The following FCHSD2 variants were observed in gnomAD, a reference collection of about 807,000 sequenced individuals.
FCHSD2 encodes FCH and double SH3 domains 2.
FCHSD2 carries 38 observed loss-of-function variants against 108.1 expected under a neutral mutation model. The ratio of observed to expected loss-of-function variants is 0.35; its 90% confidence interval spans 0.27 to 0.46. FCHSD2 has a LOEUF of 0.46. Among genes scored for constraint, FCHSD2 ranks in the 20% least tolerant of loss-of-function variants. The pLI, the probability that FCHSD2 is intolerant of heterozygous loss-of-function variation, is 1.00. For missense variants in FCHSD2, 751 were observed against 897.8 expected, an observed-to-expected ratio of 0.84 and a Z score of 2.09; for synonymous variants, 279 against 314.7, an observed-to-expected ratio of 0.89 and a Z score of 1.20.
At chr11:73,037,919 C>A (rs1003331481) in intron 3 of FCHSD2, among the ~76,000 whole-genome samples, 2 of 152,144 alleles carry the variant, frequency 1.3e-5, no homozygotes, top group Non-Finnish European at 2.9e-5. Flanking sequence ...AATCCCTCAC[C>A]AATTTCACAC....
At chr11:72,986,217 T>C (rs936553309) in intron 6 of FCHSD2, among the ~76,000 whole-genome samples, 2 of 152,194 alleles carry the variant, frequency 1.3e-5, no homozygotes, top group Non-Finnish European at 2.9e-5. Flanking sequence ...TTTATTTTAT[T>C]TATTTATTTA....
chr11:72,961,753 C>T (rs1272595032), intron 8 of FCHSD2, among the ~76,000 whole-genome samples: 1 of 152,112 alleles, frequency 6.6e-6, no homozygotes, highest in African/African-American at 2.4e-5. Flanking sequence ...AATCACATGT[C>T]AAGAGAATCA....
At chr11:72,946,922 A>C (rs1428240728) in intron 8 of FCHSD2, among the ~76,000 whole-genome samples, 1 of 152,218 alleles carries the variant, frequency 6.6e-6, no homozygotes, top group Non-Finnish European at 1.5e-5. Context: ...CCTGCCAACA[A>C]GGCAGCACCA....
At chr11:73,039,387 G>A (rs1046377694) in intron 3 of FCHSD2, among the ~76,000 whole-genome samples, 1 of 151,970 alleles carries the variant, frequency 6.6e-6, no homozygotes, top group Non-Finnish European at 1.5e-5. Flanking sequence ...GCATGGTGGG[G>A]CGTGCCTGTA....
chr11:73,084,111 T>C (rs1859759432), intron 2 of FCHSD2, among the ~76,000 whole-genome samples: 1 of 152,222 alleles, frequency 6.6e-6, no homozygotes, highest in African/African-American at 2.4e-5. Flanking sequence ...GTAAAACCTA[T>C]ATAAATGTTG....
At chr11:72,934,113 A>AAAAAAG (rs1856251481) in intron 8 of FCHSD2, among the ~76,000 whole-genome samples, 1 of 148,444 alleles carries the variant, frequency 6.7e-6, no homozygotes, top group African/African-American at 2.5e-5. Flanking sequence ...TGTCTCAGAA[A>AAAAAAG]AAAAAAAAAA....
chr11:72,985,024 GGTTTCTCAGTT>G, intron 7 of FCHSD2, 27 bp downstream of exon 7: 2 of 818,198 alleles, frequency 2.4e-6, no homozygotes, highest in Non-Finnish European at 4.1e-6. Flanking sequence ...CAAGCTAAGA[GGTTTCTCAGTT>G]GTGAAATACA....
At chr11:72,919,556 G>T (rs1308493517) in intron 9 of FCHSD2, among the ~76,000 whole-genome samples, 3 of 152,142 alleles carry the variant, frequency 2.0e-5, no homozygotes, top group Non-Finnish European at 4.4e-5. Flanking sequence ...CATATAAAAT[G>T]AACATGGTAA....
intron 13 of FCHSD2, among the ~76,000 whole-genome samples, chr11:72,859,122 C>T (rs1861506563): frequency 6.6e-6 from 1 of 152,196 alleles, no homozygotes; most frequent in South Asian, 2.1e-4. Context: ...GTATAGCAGT[C>T]TCCCCTTATG....
intron 8 of FCHSD2, among the ~76,000 whole-genome samples, chr11:72,932,988 T>A (rs1856225547): frequency 6.6e-6 from 1 of 152,228 alleles, no homozygotes; most frequent in Non-Finnish European, 1.5e-5. Flanking sequence ...AGTAATTGAT[T>A]TCATAAAACT....
intron 2 of FCHSD2, among the ~76,000 whole-genome samples, chr11:73,100,573 G>T (rs1447435842): frequency 6.6e-6 from 1 of 152,136 alleles, no homozygotes; most frequent in Admixed American, 6.5e-5. Flanking sequence ...ATGTTGGTCA[G>T]GCTGGTCTGG....
At chr11:73,017,403 A>T (rs1857997945) in intron 3 of FCHSD2, among the ~76,000 whole-genome samples, 1 of 152,234 alleles carries the variant, frequency 6.6e-6, no homozygotes, top group African/African-American at 2.4e-5. Context: ...AAAAGAACAC[A>T]ATGCTGAAAT....
intron 2 of FCHSD2, among the ~76,000 whole-genome samples, chr11:73,100,838 C>CT (rs1860207258): frequency 6.6e-6 from 1 of 151,162 alleles, no homozygotes; most frequent in African/African-American, 2.4e-5. Context: ...CTGGGCATTC[C>CT]TTTTTTTAGA....
At chr11:72,872,164 A>G (rs777408717) in intron 12 of FCHSD2, among the ~76,000 whole-genome samples, 1 of 152,006 alleles carries the variant, frequency 6.6e-6, no homozygotes, top group Non-Finnish European at 1.5e-5. Flanking sequence ...AGGCACTCCA[A>G]TTGGTAAATA....
At chr11:73,097,615 CTTTTTTT>C (rs200159157) in intron 2 of FCHSD2, among the ~76,000 whole-genome samples, 5 of 95,312 alleles carry the variant, frequency 5.2e-5, no homozygotes, top group Non-Finnish European at 9.3e-5. Context: ...GTGAGGTGTT[CTTTTTTT>C]TTTTTTTTTT....
At chr11:73,079,467 G>A (rs1053979111) in intron 3 of FCHSD2, among the ~76,000 whole-genome samples, 4 of 152,052 alleles carry the variant, frequency 2.6e-5, no homozygotes, top group Non-Finnish European at 5.9e-5. Context: ...CAAAGTGCTG[G>A]GATTACAGGC....
chr11:72,904,730 T>G (rs755670888), intron 9 of FCHSD2, among the ~76,000 whole-genome samples: 1 of 152,222 alleles, frequency 6.6e-6, no homozygotes, highest in Non-Finnish European at 1.5e-5. Flanking sequence ...AGGATACAAA[T>G]ACAGCCCCCA....
intron 3 of FCHSD2, among the ~76,000 whole-genome samples, chr11:73,063,452 T>C (rs1808191370): frequency 6.6e-6 from 1 of 152,162 alleles, no homozygotes; most frequent in Non-Finnish European, 1.5e-5. Context: ...TAACCTTAAA[T>C]GTAAATGGGC....
intron 8 of FCHSD2, among the ~76,000 whole-genome samples, chr11:72,930,878 C>T (rs1856175751): frequency 6.6e-6 from 1 of 151,988 alleles, no homozygotes; most frequent in South Asian, 2.1e-4. Context: ...TATTTGATAG[C>T]ACAATAGGGT....
Sources: gnomAD v4.1 joint callset for allele counts (sites outside exome capture counted in the v4.1 genomes callset) on GRCh38, gnomAD v4.1.1 for gene constraint, MANE v1.5 for transcripts, NCBI Gene and HGNC (gene_info 2026-07-23, HGNC 2026-07-21) for gene names.